CSMD1: variants seen among roughly 807,000 people sequenced by gnomAD.
CSMD1 encodes the protein CUB and sushi domain-containing protein 1.
CSMD1 carries 213 observed loss-of-function variants against 417.5 expected under a neutral mutation model. That is an observed-to-expected ratio of 0.51 (90% CI 0.46 to 0.57). The LOEUF (loss-of-function observed/expected upper bound fraction) is 0.57. Among genes scored for constraint, CSMD1 ranks in the 20% least tolerant of loss-of-function variants. CSMD1 has a pLI of 0.00. For synonymous variants in CSMD1, 2,862 were observed against 1,736.8 expected (o/e 1.65, Z -16.11); for missense variants, 6,923 against 4,529.7 (o/e 1.53, Z -15.17).
intron 1 of CSMD1, among the ~76,000 whole-genome samples, chr8:4,730,726 G>A (rs1417643146): frequency 1.3e-5 from 2 of 151,506 alleles, no homozygotes; most frequent in Non-Finnish European, 2.9e-5. Context: ...GGGCGACAGA[G>A]CGAGACTCCA....
intron 10 of CSMD1, among the ~76,000 whole-genome samples, chr8:3,572,159 A>C (rs1799970733): frequency 6.6e-6 from 1 of 152,180 alleles, no homozygotes; most frequent in African/African-American, 2.4e-5. Flanking sequence ...CCGACCCATT[A>C]CAGGGGCGCA....
At chr8:3,248,466 A>G (rs757394597) in intron 26 of CSMD1, among the ~76,000 whole-genome samples, 33 of 151,606 alleles carry the variant, frequency 2.2e-4, no homozygotes, top group Non-Finnish European at 3.2e-4. Context: ...CAACAGGGAA[A>G]ATCCAGTGAC....
chr8:4,582,085 G>T (rs2725070), intron 2 of CSMD1, among the ~76,000 whole-genome samples: 58,884 of 150,470 alleles, frequency 0.39, 11,605 homozygotes, highest in African/African-American at 0.45. Flanking sequence ...TTTTTTTTTG[G>T]TTTGTTTTGT....
chr8:3,605,502 G>T (rs1433813743), intron 8 of CSMD1, among the ~76,000 whole-genome samples: 1 of 152,202 alleles, frequency 6.6e-6, no homozygotes, highest in African/African-American at 2.4e-5. Context: ...TAAGATAACT[G>T]AATGTGGAAA....
At chr8:3,373,831 G>A (rs1255957077) in intron 18 of CSMD1, 3 of 152,114 alleles carry the variant, frequency 2.0e-5, no homozygotes, top group African/African-American at 7.2e-5. Context: ...CAAGGATGCA[G>A]GTATGTTACA....
intron 1 of CSMD1, among the ~76,000 whole-genome samples, chr8:4,681,620 G>A (rs984797492): frequency 1.3e-5 from 2 of 152,124 alleles, no homozygotes; most frequent in South Asian, 4.1e-4. Context: ...ATTACTCTGT[G>A]GCTTCACTAT....
rs869248314 is a variant in CSMD1, at chr8:3,565,131, CAAAAAAAAAAAAAAA to C, written c.1344+9799_1344+9813del. Reference sequence around the variant, plus strand: ...TACTTAACTCTGTAGTGCAAGACAGCAAAAAAAAAAAAAAAAAAAAAAAAAAAAAGAGAGAGATCA... The same window carrying C: ...TACTTAACTCTGTAGTGCAAGACAGCAAAAAAAAAAAAAAGAGAGAGATCA... On this transcript the variant is annotated intron_variant, in intron 10 of 69. Transcript: ENST00000635120. 7.5e-3 allele frequency among the ~76,000 whole-genome samples: 79 copies of C among 10,464 alleles called. 1 individual carries two copies. The highest frequency in any genetic ancestry group is 0.038 in the Admixed American group (14 of 372). 6.9% of individuals were successfully genotyped at this position (10,464 alleles called of 152,430 possible). A position where few individuals can be genotyped will look rare whatever the true frequency, so the allele number is the denominator to read the frequency against.
chr8:4,846,134 T>C (rs1426922072), intron 1 of CSMD1, among the ~76,000 whole-genome samples: 1 of 152,184 alleles, frequency 6.6e-6, no homozygotes, highest in Non-Finnish European at 1.5e-5. Flanking sequence ...CCTCATCTCT[T>C]TCTCCTGTCC....
chr8:3,877,253 A>G (rs1192253757), intron 5 of CSMD1, among the ~76,000 whole-genome samples: 1 of 152,146 alleles, frequency 6.6e-6, no homozygotes, highest in Non-Finnish European at 1.5e-5. Context: ...TACAGTGAGC[A>G]GATGTCCTGG....
intron 18 of CSMD1, among the ~76,000 whole-genome samples, chr8:3,376,596 TC>T (rs1298371238): frequency 6.6e-6 from 1 of 152,022 alleles, no homozygotes; most frequent in Non-Finnish European, 1.5e-5. Flanking sequence ...AAACTATCTT[TC>T]TTTAATTAAA....
chr8:4,927,379 C>T (rs978071207), intron 1 of CSMD1, among the ~76,000 whole-genome samples: 1 of 152,040 alleles, frequency 6.6e-6, no homozygotes, highest in Non-Finnish European at 1.5e-5. Context: ...TTAATCTAAT[C>T]TTAGTATAAA....
At chr8:4,961,018 T>TA (rs1353160618) in intron 1 of CSMD1, among the ~76,000 whole-genome samples, 1 of 152,130 alleles carries the variant, frequency 6.6e-6, no homozygotes, top group Non-Finnish European at 1.5e-5. Context: ...TTTACTCTCT[T>TA]ACAGAAAGAT....
intron 3 of CSMD1, among the ~76,000 whole-genome samples, chr8:4,392,642 G>C (rs562084690): frequency 6.6e-6 from 1 of 151,466 alleles, no homozygotes; most frequent in South Asian, 2.1e-4. Context: ...TTTTTGGGGG[G>C]GAGGGTTATT....
chr8:3,711,946 G>C (rs1801530097), intron 6 of CSMD1, among the ~76,000 whole-genome samples: 1 of 152,210 alleles, frequency 6.6e-6, no homozygotes, highest in African/African-American at 2.4e-5. Flanking sequence ...AATTCGAGTA[G>C]TCTCTCAGGG....
At chr8:3,200,428 G>A (rs1796933161) in intron 32 of CSMD1, among the ~76,000 whole-genome samples, 1 of 151,756 alleles carries the variant, frequency 6.6e-6, no homozygotes, top group Non-Finnish European at 1.5e-5. Flanking sequence ...GGTGGTGCAT[G>A]CCTGTAATCC....
At chr8:3,796,583 A>C (rs1585013782) in intron 5 of CSMD1, among the ~76,000 whole-genome samples, 1 of 146,428 alleles carries the variant, frequency 6.8e-6, no homozygotes, top group African/African-American at 2.5e-5. Context: ...CTAAGATATA[A>C]TATATAGATA....
intron 5 of CSMD1, among the ~76,000 whole-genome samples, chr8:3,909,723 G>C (rs778039385): frequency 6.6e-6 from 1 of 152,126 alleles, no homozygotes. Context: ...GTGTAGCAAA[G>C]GCAAAAGTTT....
At position 3,207,412 on chromosome 8, in the gene CSMD1, G is replaced by C. The variant is rs193045631; in HGVS notation, c.4868-1792C>G. 4.8e-4 allele frequency among the ~76,000 whole-genome samples: 73 copies of C among 151,884 alleles called. No homozygotes were observed. In the East Asian group the frequency reaches 0.011, roughly 22 times the overall value. On this transcript the variant is annotated intron_variant, in intron 30 of 69. Coordinates refer to ENST00000635120, the MANE Select transcript of CSMD1 (RefSeq NM_033225.6). The stretch of plus-strand genomic sequence containing the variant: ...CATGGCTCAGCCTCCCAAAGTGCTG[G>C]GATTACAAACGTGAGCCACTGAGTC...
At chr8:4,589,206 T>A (rs1389246371) in intron 2 of CSMD1, among the ~76,000 whole-genome samples, 1 of 152,096 alleles carries the variant, frequency 6.6e-6, no homozygotes, top group Non-Finnish European at 1.5e-5. Flanking sequence ...CTTATCAGAG[T>A]TATGTAAAAG....
Sources: allele counts gnomAD v4.1 joint callset (sites outside exome capture counted in the v4.1 genomes callset), GRCh38; gene constraint gnomAD v4.1.1; transcripts MANE v1.5; gene names NCBI Gene and HGNC (gene_info 2026-07-23, HGNC 2026-07-21).